The following NTM variants were observed in gnomAD, a reference collection of about 807,000 sequenced individuals.
NTM encodes the protein neurotrimin.
Under a neutral mutation model 42.1 loss-of-function variants are expected in NTM, and 13 were observed. The observed-to-expected ratio is 0.31, with a 90% CI of 0.20 to 0.49. The LOEUF (loss-of-function observed/expected upper bound fraction) is 0.49. Ranked by LOEUF, NTM falls within the 20% of genes least tolerant of loss-of-function variation. The pLI is 0.99. For missense variants in NTM, 373 were observed against 452.8 expected (o/e 0.82, Z 1.60); for synonymous variants, 187 against 179.2 (o/e 1.04, Z -0.35).
chr11:131,986,745 A>G (rs945906448), intron 2 of NTM, among the ~76,000 whole-genome samples: 5 of 152,170 alleles, frequency 3.3e-5, no homozygotes, highest in Non-Finnish European at 7.4e-5. Context: ...AGATTTTTAC[A>G]GTTTTCATTT....
At chr11:132,153,846 G>C (rs1326137146) in intron 3 of NTM, among the ~76,000 whole-genome samples, 1 of 151,788 alleles carries the variant, frequency 6.6e-6, no homozygotes, top group East Asian at 1.9e-4. Context: ...TGTCTTATAA[G>C]GTAACAGGGA....
chr11:131,585,211 T>C (rs1208418503), intron 1 of NTM, among the ~76,000 whole-genome samples: 2 of 152,250 alleles, frequency 1.3e-5, no homozygotes, highest in African/African-American at 4.8e-5. Context: ...GACTTTCTTT[T>C]TGGATTCCGG....
At chr11:131,829,258 G>A (rs2042512600) in intron 1 of NTM, among the ~76,000 whole-genome samples, 1 of 152,098 alleles carries the variant, frequency 6.6e-6, no homozygotes, top group Non-Finnish European at 1.5e-5. Flanking sequence ...TCATGTGATG[G>A]TGAGGTTTGG....
chr11:131,761,344 A>G (rs2084139796), intron 1 of NTM, among the ~76,000 whole-genome samples: 1 of 152,122 alleles, frequency 6.6e-6, no homozygotes, highest in Non-Finnish European at 1.5e-5. Context: ...ATTAAAACCC[A>G]AGGGTTACAG....
At chr11:131,588,325 G>A (rs1225958779) in intron 1 of NTM, among the ~76,000 whole-genome samples, 2 of 152,208 alleles carry the variant, frequency 1.3e-5, no homozygotes, top group African/African-American at 4.8e-5. Context: ...TTGCCCCAGA[G>A]CAAAGCCACA....
chr11:131,876,252 CT>C (rs891372473), intron 1 of NTM, among the ~76,000 whole-genome samples: 5 of 152,188 alleles, frequency 3.3e-5, no homozygotes, highest in African/African-American at 1.2e-4. Flanking sequence ...TGTACACACA[CT>C]TGTGTGCGTG....
rs1565687966 is a variant in NTM, at chr11:131,599,327, G to GGCAGATGCCCTGTCTACCCAGTCTCCA, written c.82+228465_82+228466insAGCAGATGCCCTGTCTACCCAGTCTCC. On this transcript the variant is annotated intron_variant, in intron 1 of 8. Transcript: ENST00000683400. ...CAGATGCCCTGTCTACCCAGTCTCC[G>GGCAGATGCCCTGTCTACCCAGTCTCCA]GCAGATGCCCTGTCTACCCAGTCTC... is the stretch of plus-strand genomic sequence containing the variant. Among the ~76,000 whole-genome samples the GGCAGATGCCCTGTCTACCCAGTCTCCA allele has an allele frequency of 7.3e-5, 11 of 150,992 alleles. 1 individual carries two copies. The highest frequency in any genetic ancestry group is 2.7e-4 in the African/African-American group (11 of 40,516).
At chr11:131,665,753 T>C (rs1023524597) in intron 1 of NTM, among the ~76,000 whole-genome samples, 8 of 152,318 alleles carry the variant, frequency 5.3e-5, no homozygotes, top group Non-Finnish European at 7.3e-5. Flanking sequence ...TCCCAATGTC[T>C]GGGAACAAGC....
chr11:131,442,819 A>G (rs556855359), intron 1 of NTM, among the ~76,000 whole-genome samples: 39 of 150,190 alleles, frequency 2.6e-4, no homozygotes, highest in South Asian at 1.3e-3. Flanking sequence ...ATGTGTGTGT[A>G]TATATATATA....
At chr11:131,372,088 G>A (rs924456753) in intron 1 of NTM, among the ~76,000 whole-genome samples, 1 of 152,202 alleles carries the variant, frequency 6.6e-6, no homozygotes, top group Non-Finnish European at 1.5e-5. Flanking sequence ...TCCGAGGTTA[G>A]GATTTAGGGA....
At chr11:132,093,984 TG>T (rs1566141613) in intron 2 of NTM, among the ~76,000 whole-genome samples, 1 of 152,140 alleles carries the variant, frequency 6.6e-6, no homozygotes, top group Non-Finnish European at 1.5e-5. Context: ...TGAAGACTTA[TG>T]GGCAGAAAAA....
At chr11:132,292,787 T>TAAAAAA (rs61603794) in intron 4 of NTM, among the ~76,000 whole-genome samples, 26 of 56,542 alleles carry the variant, frequency 4.6e-4, no homozygotes, top group East Asian at 1.1e-3. Context: ...GATGTAAAAG[T>TAAAAAA]AAAAAAAAAA....
At chr11:131,934,020 A>G (rs935082766) in intron 2 of NTM, among the ~76,000 whole-genome samples, 1 of 152,186 alleles carries the variant, frequency 6.6e-6, no homozygotes, top group Non-Finnish European at 1.5e-5. Flanking sequence ...GTGTGGCTGA[A>G]TGGGGATTTG....
At chr11:131,507,498 C>T (rs2136426791) in intron 1 of NTM, among the ~76,000 whole-genome samples, 1 of 152,226 alleles carries the variant, frequency 6.6e-6, no homozygotes, top group East Asian at 1.9e-4. Context: ...CGTGATGCCG[C>T]CAGCTTTGTT....
chr11:131,500,759 G>A (rs542423613), intron 1 of NTM, among the ~76,000 whole-genome samples: 16 of 105,844 alleles, frequency 1.5e-4, no homozygotes, highest in Middle Eastern at 8.3e-3. Flanking sequence ...AACAGGCCTC[G>A]GTGTATGATG....
intron 1 of NTM, among the ~76,000 whole-genome samples, chr11:131,383,572 T>A (rs1028563866): frequency 1.3e-5 from 2 of 152,074 alleles, no homozygotes; most frequent in African/African-American, 2.4e-5. Flanking sequence ...AATTCTGAAA[T>A]CAAATATGGC....
At position 131,693,048 on chromosome 11, in the gene NTM, A is replaced by C. The variant is rs149203661; in HGVS notation, c.83-218516A>C. On this transcript the variant is annotated intron_variant, in intron 1 of 8. Transcript: ENST00000683400. Reference sequence around the variant, plus strand: ...CCATCAGCCAAGACAAGTCATTAGAAGGCCAAGTTGGGCAGGCCTGCAGAT... The same window carrying C: ...CCATCAGCCAAGACAAGTCATTAGACGGCCAAGTTGGGCAGGCCTGCAGAT... Among the ~76,000 whole-genome samples, 100 of 150,728 alleles carry C rather than the reference A, an allele frequency of 6.6e-4. 1 individual carries two copies. The highest frequency in any genetic ancestry group is 1.3e-3 in the Non-Finnish European group (87 of 67,564).
intron 1 of NTM, among the ~76,000 whole-genome samples, chr11:131,465,487 G>T (rs1007119968): frequency 2.0e-5 from 3 of 152,114 alleles, no homozygotes; most frequent in African/African-American, 7.2e-5. Flanking sequence ...TCCTATGACT[G>T]CCCAGGTTGC....
chr11:131,842,806 T>C (rs2044426370), intron 1 of NTM, among the ~76,000 whole-genome samples: 1 of 151,610 alleles, frequency 6.6e-6, no homozygotes, highest in Non-Finnish European at 1.5e-5. Context: ...AGGTCAGGAG[T>C]TCAAGACCAG....
Sources: allele counts gnomAD v4.1 joint callset (sites outside exome capture counted in the v4.1 genomes callset), GRCh38; gene constraint gnomAD v4.1.1; transcripts MANE v1.5; gene names NCBI Gene and HGNC (gene_info 2026-07-23, HGNC 2026-07-21).